The following FRMD5 variants were observed in gnomAD, a reference collection of about 807,000 sequenced individuals.
The protein encoded by FRMD5 is FERM domain-containing protein 5.
A neutral mutation model predicts 69.0 loss-of-function variants in FRMD5; 20 were observed. The ratio of observed to expected loss-of-function variants is 0.29; its 90% CI spans 0.20 to 0.42. FRMD5 has a LOEUF of 0.42. FRMD5 is among the 10% of genes least tolerant of loss of function. The pLI, the probability that FRMD5 is intolerant of heterozygous loss-of-function variation, is 1.00. For synonymous variants in FRMD5, 271 were observed against 260.1 expected (o/e 1.04, Z -0.40); for missense variants, 595 against 708.6 (o/e 0.84, Z 1.82).
rs74721697 is a variant in FRMD5, at chr15:43,954,507, G to A, written c.103-30198C>T. 5.1e-3 allele frequency among the ~76,000 whole-genome samples: 783 copies of A among 152,332 alleles called. 13 individuals carry two copies. Among genetic ancestry groups the A allele is most frequent in the African/African-American group, 0.018 (747 of 41,566 alleles). Reference sequence around the variant, plus strand: ...TGGCCAAAGTAAGATGAGTAATAGTGAAGGGCAGGCATAAAGATGACTCTC... The same window carrying A: ...TGGCCAAAGTAAGATGAGTAATAGTAAAGGGCAGGCATAAAGATGACTCTC... On this transcript the variant is annotated intron_variant, in intron 1 of 13. Coordinates refer to ENST00000417257, the MANE Select transcript of FRMD5 (RefSeq NM_032892.5).
intron 1 of FRMD5, among the ~76,000 whole-genome samples, chr15:44,049,418 G>A (rs1287228069): frequency 6.6e-6 from 1 of 152,130 alleles, no homozygotes; most frequent in Non-Finnish European, 1.5e-5. Flanking sequence ...TAACCCTAGT[G>A]AATAAAGGGC....
intron 7 of FRMD5, among the ~76,000 whole-genome samples, chr15:43,894,503 A>C (rs1335399048): frequency 2.6e-5 from 4 of 151,704 alleles, no homozygotes; most frequent in Non-Finnish European, 5.9e-5. Context: ...TAAAAATGAG[A>C]GGGGAGGCAG....
At chr15:43,958,268 G>A (rs930510051) in intron 1 of FRMD5, among the ~76,000 whole-genome samples, 7 of 152,048 alleles carry the variant, frequency 4.6e-5, no homozygotes. Flanking sequence ...TGTACTGAGA[G>A]CTGCTCATGC....
chr15:44,112,469 A>G lies in FRMD5; in HGVS notation c.102+82484T>C, dbSNP rs1020576911. 4.8e-4 allele frequency among the ~76,000 whole-genome samples: 68 copies of G among 140,962 alleles called. 1 individual carries two copies. In the South Asian group the frequency reaches 0.014, roughly 30 times the overall value. The allele number at this position is 140,962 out of a possible 152,430, so 92.5% of individuals were successfully genotyped here. On this transcript the variant is annotated intron_variant, in intron 1 of 13. Transcript: ENST00000417257. Reference sequence around the variant, plus strand: ...CTTATCTGCCACTGCACCTTCACTGATTTTTTTTTTTTTTTTAGATGGAGT... The same window carrying G: ...CTTATCTGCCACTGCACCTTCACTGGTTTTTTTTTTTTTTTTAGATGGAGT...
At chr15:44,060,330 A>C (rs531732603) in intron 1 of FRMD5, among the ~76,000 whole-genome samples, 72 of 152,294 alleles carry the variant, frequency 4.7e-4, no homozygotes, top group African/African-American at 1.7e-3. Context: ...GGATACCCAG[A>C]AGCGTGAAAA....
intron 1 of FRMD5, among the ~76,000 whole-genome samples, chr15:43,996,846 T>C (rs1889954604): frequency 6.7e-6 from 1 of 150,300 alleles, no homozygotes; most frequent in South Asian, 2.1e-4. Context: ...GCAGAAACCA[T>C]CTTTTAACGA....
intron 1 of FRMD5, among the ~76,000 whole-genome samples, chr15:43,968,833 T>A (rs1441468002): frequency 6.6e-6 from 1 of 152,176 alleles, no homozygotes; most frequent in Non-Finnish European, 1.5e-5. Flanking sequence ...TATTCTCACA[T>A]TGCTTAGGGA....
intron 13 of FRMD5, among the ~76,000 whole-genome samples, chr15:43,882,697 A>T (rs2088563244): frequency 6.6e-6 from 1 of 152,030 alleles, no homozygotes. Context: ...ACATGGTGGC[A>T]GCTACTAGAA....
At chr15:43,981,381 A>T (rs1346184394) in intron 1 of FRMD5, among the ~76,000 whole-genome samples, 5 of 152,198 alleles carry the variant, frequency 3.3e-5, no homozygotes, top group African/African-American at 1.2e-4. Flanking sequence ...GTGTAAATGG[A>T]TTATCATAAA....
intron 1 of FRMD5, among the ~76,000 whole-genome samples, chr15:44,006,194 G>A (rs1448383374): frequency 6.6e-6 from 1 of 152,202 alleles, no homozygotes; most frequent in African/African-American, 2.4e-5. Flanking sequence ...TAAGAATTAT[G>A]CTAAATATAT....
chr15:44,021,089 A>G (rs1891190410), intron 1 of FRMD5, among the ~76,000 whole-genome samples: 1 of 152,178 alleles, frequency 6.6e-6, no homozygotes, highest in Non-Finnish European at 1.5e-5. Context: ...GTTTGAGACC[A>G]GCCTGAGCAA....
At chr15:43,883,551 T>A (rs1451274950) in intron 13 of FRMD5, 152 bp downstream of exon 13, 3 of 596,160 alleles carry the variant, frequency 5.0e-6, no homozygotes, top group Non-Finnish European at 9.1e-6. Flanking sequence ...CAGCTAATAT[T>A]CCCATCCACT....
intron 4 of FRMD5, 75 bp downstream of exon 4, chr15:43,919,384 T>C: frequency 7.9e-7 from 1 of 1,262,660 alleles, no homozygotes; most frequent in South Asian, 1.2e-5. Flanking sequence ...AATGAGAGGC[T>C]CTAAGAGGTC....
At position 44,091,783 on chromosome 15, in the gene FRMD5, A is replaced by G. The variant is rs987916177; in HGVS notation, c.102+103170T>C. 2.6e-5 allele frequency among the ~76,000 whole-genome samples: 4 copies of G among 151,940 alleles called. No homozygotes were observed. In the East Asian group the frequency reaches 7.7e-4, roughly 29 times the overall value. ...CTCTTATCTTAATTTTCTTCCATCC[A>G]TGGGAATTTTTTTTTTAACTGACAG... On this transcript the variant is annotated intron_variant, in intron 1 of 13. Coordinates refer to ENST00000417257, the MANE Select transcript of FRMD5 (RefSeq NM_032892.5).
At chr15:43,968,699 A>G (rs906305322) in intron 1 of FRMD5, among the ~76,000 whole-genome samples, 1 of 152,200 alleles carries the variant, frequency 6.6e-6, no homozygotes, top group Admixed American at 6.5e-5. Flanking sequence ...TTTATTGGCT[A>G]GTCTAAAGGA....
chr15:43,931,002 G>A (rs2089665886), intron 1 of FRMD5, among the ~76,000 whole-genome samples: 1 of 152,078 alleles, frequency 6.6e-6, no homozygotes. Context: ...CTAACAAGAG[G>A]GCCAGTCTTA....
chr15:44,147,148 CTTGAG>C (rs1301661945), intron 1 of FRMD5, among the ~76,000 whole-genome samples: 2 of 152,054 alleles, frequency 1.3e-5, no homozygotes, highest in Non-Finnish European at 2.9e-5. Context: ...TTTAATTCAT[CTTGAG>C]TTAATTTTTG....
At chr15:44,184,268 A>AT (rs1338496711) in intron 1 of FRMD5, among the ~76,000 whole-genome samples, 6 of 152,206 alleles carry the variant, frequency 3.9e-5, no homozygotes, top group Admixed American at 6.5e-5. Flanking sequence ...ACAGAGTCAC[A>AT]TTGGGTCTAT....
intron 1 of FRMD5, among the ~76,000 whole-genome samples, chr15:43,952,980 A>G (rs1173510623): frequency 1.3e-5 from 2 of 152,236 alleles, no homozygotes; most frequent in African/African-American, 4.8e-5. Flanking sequence ...TCTGCCATCC[A>G]CTGCTGAAGA....
Sources: gnomAD v4.1 joint callset for allele counts (sites outside exome capture counted in the v4.1 genomes callset) on GRCh38, gnomAD v4.1.1 for gene constraint, MANE v1.5 for transcripts, NCBI Gene and HGNC (gene_info 2026-07-23, HGNC 2026-07-21) for gene names.